ATXN7L3: variants seen among roughly 807,000 people sequenced by gnomAD.
ATXN7L3 encodes the protein ataxin 7 like 3, also known as ataxin-7-like protein 3.
Under a neutral mutation model 50.0 loss-of-function variants are expected in ATXN7L3, and 6 were observed. That is an observed-to-expected ratio of 0.12 (90% CI 0.07 to 0.24). The LOEUF (loss-of-function observed/expected upper bound fraction) is 0.24, where lower values mean the gene tolerates loss of function less well. ATXN7L3 is among the 10% of genes least tolerant of loss of function. The probability of loss-of-function intolerance (pLI) is 1.00; values close to 1 mark genes in which losing one functional copy is unlikely to be tolerated. For missense variants in ATXN7L3, 322 were observed against 451.3 expected, an observed-to-expected ratio of 0.71 and a Z score of 2.60; for synonymous variants, 198 against 165.8, an observed-to-expected ratio of 1.19 and a Z score of -1.49.
rs557572380 is a variant in ATXN7L3 at position 44,197,192 on chromosome 17, C to T, written c.356+36G>A. On this transcript the variant is annotated intron_variant, in intron 4 of 12. Transcript: ENST00000587097. ...GCCCCCGGGGGACTACACCATGGCA[C>T]AGGCTGCAGAGAACGGGCAGCTCTG... 9 of 1,575,134 alleles carry T rather than the reference C, an allele frequency of 5.7e-6. No individual in the cohort carries two copies. In the African/African-American group the frequency reaches 8.1e-5, roughly 14 times the overall value.
rs1035908033 is a variant in ATXN7L3 at position 44,193,522 on chromosome 17, C to T, written c.*741G>A. The T allele has an allele frequency of 1.3e-5, 2 of 152,618 alleles. No homozygotes were observed. Among genetic ancestry groups the T allele is most frequent in the South Asian group, 2.1e-4 (1 of 4,838 alleles). 9.5% of individuals were successfully genotyped at this position (152,618 alleles called of 1,614,324 possible). A position where few individuals can be genotyped will look rare whatever the true frequency, so the allele number is the denominator to read the frequency against. On this transcript the variant is annotated 3_prime_UTR_variant, in exon 13 of 13. Coordinates refer to ENST00000587097, the MANE Select transcript of ATXN7L3 (RefSeq NM_001382309.1). ...AGAGGCAGGGGGAGGAATTCTGACA[C>T]TTCTCCCTCTTCCTACCCTCCCTTT...
At chr17:44,198,168 AGGCACCTCTGAATGC>A in intron 1 of ATXN7L3, 38 bp from the exon 2 acceptor site, 1 of 1,239,798 alleles carries the variant, frequency 8.1e-7, no homozygotes, top group Non-Finnish European at 1.2e-6. Context: ...TGTGAGTCCA[AGGCACCTCTGAATGC>A]GGCCACCTTC....
chr17:44,194,767 C>T lies in ATXN7L3; in HGVS notation c.737+1G>A, dbSNP rs2055822279. 1 of 1,614,166 alleles carries T rather than the reference C, an allele frequency of 6.2e-7. No homozygotes were observed. The highest frequency in any genetic ancestry group is 8.5e-7 in the Non-Finnish European group (1 of 1,179,998). The stretch of plus-strand genomic sequence containing the variant: ...CCCACCCTTCCTGTAGGGCCACTTA[C>T]GCCGAGGGCCCGAGAAAATAAATCC... On this transcript the variant is annotated splice_donor_variant, in intron 11 of 12. Transcript: ENST00000587097. LOFTEE classifies it high-confidence loss of function.
chr17:44,195,517 G>A, intron 8 of ATXN7L3, 30 bp from the exon 9 acceptor site: 1 of 1,592,476 alleles, frequency 6.3e-7, no homozygotes, highest in Non-Finnish European at 8.6e-7. Context: ...ACAGGTTAGA[G>A]ATGGGGCAGA....
In ATXN7L3 at chr17:44,195,075, C is replaced by T. The variant is rs1379820959; in HGVS notation, c.665+22G>A. On this transcript the variant is annotated intron_variant, in intron 10 of 12. Coordinates refer to ENST00000587097, the MANE Select transcript of ATXN7L3 (RefSeq NM_001382309.1). ...TGAGTGTGCAGGAAGCGCCTGGCCC[C>T]CTTTCTAGGTTCTGTGCTCACCTTG... 4 of 1,613,694 alleles carry T rather than the reference C, an allele frequency of 2.5e-6. No individual in the cohort carries two copies. The African/African-American group carries it at 5.3e-5, about 22-fold the overall frequency.
At chr17:44,197,963 C>A (rs1357995818) in intron 2 of ATXN7L3, 57 bp downstream of exon 2, 3 of 1,584,354 alleles carry the variant, frequency 1.9e-6, no homozygotes, top group Non-Finnish European at 2.6e-6. Flanking sequence ...ATGCCAGATA[C>A]AGCGACGTAG....
At chr17:44,194,496 G>A (rs1262396338) in intron 12 of ATXN7L3, 21 bp downstream of exon 12, 3 of 1,613,322 alleles carry the variant, frequency 1.9e-6, no homozygotes, top group Non-Finnish European at 2.5e-6. Context: ...AGAGCCCCTA[G>A]GGCCCAACTG....
Position 44,199,625 on chromosome 17 carries a change from CCCGGGG to C in ATXN7L3, c.-196_-191del, listed in dbSNP as rs2056071747. ...CCTCGCCTCTCCCCGGGGCCCAGGG[CCCGGGG>C]CCGGGGGGTCGGGCCGCCCCCCCGC... is the stretch of plus-strand genomic sequence containing the variant. On this transcript the variant is annotated 5_prime_UTR_variant, in exon 1 of 13. Transcript: ENST00000587097. 1 of 146,176 alleles carries C rather than the reference CCCGGGG, an allele frequency of 6.8e-6. No homozygotes were observed. The highest frequency in any genetic ancestry group is 2.5e-5 in the African/African-American group (1 of 40,060). The allele number at this position is 146,176 out of a possible 1,614,324, so 9.1% of individuals were successfully genotyped here. A position where few individuals can be genotyped will look rare whatever the true frequency, so the allele number is the denominator to read the frequency against.
At chr17:44,196,588 G>A (rs989786544) in intron 5 of ATXN7L3, among the ~76,000 whole-genome samples, 170 bp from the exon 6 acceptor site, 5 of 151,870 alleles carry the variant, frequency 3.3e-5, no homozygotes, top group Admixed American at 3.3e-4. Flanking sequence ...GACCATCCTG[G>A]CCAATATGGT....
intron 6 of ATXN7L3, 147 bp from the exon 7 acceptor site, chr17:44,196,226 T>TCCCCCCCCCCCCCAAACCCCCC: frequency 6.8e-6 from 5 of 737,690 alleles, no homozygotes; most frequent in African/African-American, 2.2e-5. Context: ...CCATGTGCCC[T>TCCCCCCCCCCCCCAAACCCCCC]CCCCCACCCC....
intron 5 of ATXN7L3, 72 bp from the exon 6 acceptor site, chr17:44,196,490 A>T (rs1287797845): frequency 4.1e-5 from 66 of 1,600,722 alleles, no homozygotes; most frequent in Non-Finnish European, 5.6e-5. Context: ...CAAGAAAACC[A>T]TACAACAGGC....
Position 44,195,523 on chromosome 17 carries a change from G to A in ATXN7L3, c.553-36C>T, listed in dbSNP as rs755929016. 9.5e-6 allele frequency: 15 copies of A among 1,583,140 alleles called. No homozygotes were observed. The South Asian group carries it at 1.3e-4, about 14-fold the overall frequency. ...ACCAGAGGTACAGGTTAGAGATGGG[G>A]CAGAGAAAAGAGAAGGACAGGGGTG... On this transcript the variant is annotated intron_variant, in intron 8 of 12. Transcript: ENST00000587097.
chr17:44,195,055 G>A (rs370304914), intron 10 of ATXN7L3, 42 bp downstream of exon 10: 104 of 1,607,642 alleles, frequency 6.5e-5, no homozygotes, highest in Middle Eastern at 1.7e-4. Flanking sequence ...CATGGTGAGT[G>A]TGCAGGAAGC....
At chr17:44,198,887 A>G (rs1425140839) in intron 1 of ATXN7L3, 3 of 152,710 alleles carry the variant, frequency 2.0e-5, no homozygotes, top group Non-Finnish European at 4.4e-5. Flanking sequence ...ACCCCCACCC[A>G]AGGATTCAGA....
chr17:44,197,195 G>C (rs905196360), intron 4 of ATXN7L3, 33 bp downstream of exon 4: 2 of 1,576,412 alleles, frequency 1.3e-6, no homozygotes, highest in Non-Finnish European at 8.6e-7. Flanking sequence ...CATGGCACAG[G>C]CTGCAGAGAA....
At chr17:44,197,906 T>A in intron 2 of ATXN7L3, 114 bp downstream of exon 2, 8 of 1,514,168 alleles carry the variant, frequency 5.3e-6, no homozygotes, top group Non-Finnish European at 7.3e-6. Context: ...AGCTGGCTAT[T>A]CCCTTTAAGG....
At chr17:44,194,711 T>C (rs548627318) in intron 11 of ATXN7L3, 37 bp from the exon 12 acceptor site, 10 of 1,613,418 alleles carry the variant, frequency 6.2e-6, no homozygotes, top group Admixed American at 1.7e-5. Flanking sequence ...GCTTTAGAGA[T>C]AGTGATCATC....
chr17:44,195,312 C>A, intron 9 of ATXN7L3, 107 bp downstream of exon 9: 1 of 1,382,982 alleles, frequency 7.2e-7, no homozygotes. Context: ...ACAGAGAGAA[C>A]GATACGGCCC....
intron 7 of ATXN7L3, 22 bp downstream of exon 7, chr17:44,196,012 C>A: frequency 6.2e-7 from 1 of 1,604,270 alleles, no homozygotes; most frequent in Non-Finnish European, 8.5e-7. Context: ...AGAAGCATTC[C>A]CATTGCTCCG....
Sources: allele counts gnomAD v4.1 joint callset (sites outside exome capture counted in the v4.1 genomes callset), GRCh38; gene constraint gnomAD v4.1.1; transcripts MANE v1.5; gene names NCBI Gene and HGNC (gene_info 2026-07-23, HGNC 2026-07-21).